Variants in HAAO observed in about 807,000 individuals in gnomAD.
HAAO encodes 3-hydroxyanthranilate 3,4-dioxygenase, also known as 3-hydroxyanthranilate oxygenase.
HAAO carries 49 observed loss-of-function variants against 46.2 expected under a neutral mutation model. The ratio of observed to expected loss-of-function variants is 1.06; its 90% CI spans 0.84 to 1.34. HAAO has a LOEUF of 1.34. Among genes scored for constraint, HAAO ranks in the 40% most tolerant of loss-of-function variants. The pLI, the probability that HAAO is intolerant of heterozygous loss-of-function variation, is 0.00. For synonymous variants in HAAO, 157 were observed against 145.2 expected, an observed-to-expected ratio of 1.08 and a Z score of -0.58; for missense variants, 408 against 364.5, an observed-to-expected ratio of 1.12 and a Z score of -0.97.
At chr2:42,768,644 G>A (rs539548310) in intron 7 of HAAO, among the ~76,000 whole-genome samples, 3 of 152,284 alleles carry the variant, frequency 2.0e-5, no homozygotes, top group African/African-American at 7.2e-5. Flanking sequence ...GTGGCAAGCC[G>A]TAAAGCACAA....
rs1392231988 is a variant in HAAO at position 42,769,806 on chromosome 2, C to T, written c.537G>A (p.Glu179=). ...CCAGCCAGGCATCCAGGGACATGGG[C>T]TCCATGATGGATCGTGTGCTCAGAG... ...PFPLSTRSIM[E]PMSLDAWLDS... is the part of the protein sequence containing the mutation. The change falls in exon 7 of 10, where the codon GAG becomes GAA. Residue 179 remains glutamate (E), a synonymous_variant. Transcript: ENST00000294973. 1.6e-5 allele frequency: 26 copies of T among 1,613,934 alleles called. No homozygotes were observed. The highest frequency in any genetic ancestry group is 2.1e-5 in the Non-Finnish European group (25 of 1,179,948).
chr2:42,786,006 CCT>C (rs1343850650), intron 2 of HAAO, among the ~76,000 whole-genome samples: 10 of 126,634 alleles, frequency 7.9e-5, no homozygotes, highest in Admixed American at 3.9e-4. Context: ...TGGGAGGAAG[CCT>C]CTGTGTGTGT....
intron 1 of HAAO, 41 bp from the exon 2 acceptor site, chr2:42,788,648 C>G (rs768837888): frequency 8.0e-7 from 1 of 1,251,056 alleles, no homozygotes; most frequent in Non-Finnish European, 1.2e-6. Flanking sequence ...AAACCATCTC[C>G]TAGGAGTGAA....
chr2:42,771,305 G>A (rs781160390), intron 4 of HAAO, among the ~76,000 whole-genome samples: 21 of 152,060 alleles, frequency 1.4e-4, no homozygotes, highest in Non-Finnish European at 2.2e-4. Context: ...GCAGGGGACT[G>A]TAATCCCAGC....
chr2:42,788,450 C>T (rs1264288504), intron 2 of HAAO, 79 bp downstream of exon 2: 6 of 889,080 alleles, frequency 6.7e-6, no homozygotes, highest in East Asian at 2.4e-5. Context: ...CTCTGGGCCT[C>T]GAGTGGGAAG....
At chr2:42,776,148 G>C (rs1267216796) in intron 4 of HAAO, among the ~76,000 whole-genome samples, 3 of 151,442 alleles carry the variant, frequency 2.0e-5, no homozygotes, top group Non-Finnish European at 4.4e-5. Context: ...TAAAAGATAG[G>C]TGGTCCCTAT....
Position 42,780,849 on chromosome 2 carries a change from C to T in HAAO, c.350+2465G>A, listed in dbSNP as rs981212298. On this transcript the variant is annotated intron_variant, in intron 4 of 9. Transcript: ENST00000294973. Reference sequence around the variant, plus strand: ...TTGGGAGGCCAAGGCGGGTGGATTACGAGGTCAGGAGAGCGAGACCATCCT... The same window carrying T: ...TTGGGAGGCCAAGGCGGGTGGATTATGAGGTCAGGAGAGCGAGACCATCCT... 1.6e-4 allele frequency among the ~76,000 whole-genome samples: 23 copies of T among 147,148 alleles called. No individual in the cohort carries two copies. In the East Asian group the frequency reaches 3.2e-3, roughly 21 times the overall value.
Position 42,779,710 on chromosome 2 carries a change from A to T in HAAO, c.350+3604T>A, listed in dbSNP as rs922451550. On this transcript the variant is annotated intron_variant, in intron 4 of 9. Transcript: ENST00000294973. The stretch of plus-strand genomic sequence containing the variant: ...TCACCTTTTTTGAAATCCTTGAGTT[A>T]TTACTTTGGTTAAATGAATGATCCT... Among the ~76,000 whole-genome samples the T allele has an allele frequency of 2.6e-5, 4 of 152,300 alleles. No homozygotes were observed. The East Asian group carries it at 7.7e-4, about 29-fold the overall frequency.
chr2:42,767,853 C>T lies in HAAO; in HGVS notation c.699+7G>A. 6.2e-7 allele frequency: 1 copy of T among 1,613,760 alleles called. No individual in the cohort carries two copies. Among genetic ancestry groups the T allele is most frequent in the South Asian group, 1.1e-5 (1 of 91,078 alleles). On this transcript the variant is annotated splice_region_variant and intron_variant, in intron 8 of 9. Coordinates refer to ENST00000294973, the MANE Select transcript of HAAO (RefSeq NM_012205.3). The stretch of plus-strand genomic sequence containing the variant: ...GTTCTGCAACCCTGTCCCTGGGCCC[C>T]ACTTGCCAGCTGCCACAGCCACACG...
rs763230709 is a variant in HAAO, at chr2:42,767,458, G to T, written c.840C>A (p.Ala280=). ...SVALSVTQDP[A]CKKPLG ...AGGGTCACCCCAGGGGCTTCTTGCA[G>T]GCAGGGTCCTGGGTCACAGACAGGG... is the stretch of plus-strand genomic sequence containing the variant. Residue 280 remains alanine (A), a synonymous_variant, in exon 10 of 10, where the codon GCC becomes GCA. Transcript: ENST00000294973. 1 of 1,613,156 alleles carries T rather than the reference G, an allele frequency of 6.2e-7. No homozygotes were observed. Among genetic ancestry groups the T allele is most frequent in the Non-Finnish European group, 8.5e-7 (1 of 1,179,604 alleles).
At chr2:42,770,427 C>T (rs1364690810) in intron 5 of HAAO, 66 bp downstream of exon 5, 9 of 1,198,782 alleles carry the variant, frequency 7.5e-6, no homozygotes, top group African/African-American at 1.5e-5. Context: ...GACTTTCTCC[C>T]AGGGCATCAG....
chr2:42,791,579 G>A (rs1447449366), intron 1 of HAAO, among the ~76,000 whole-genome samples: 3 of 152,142 alleles, frequency 2.0e-5, no homozygotes, highest in Admixed American at 6.5e-5. Context: ...CAGGCGCTCC[G>A]TGACACTAGA....
intron 4 of HAAO, among the ~76,000 whole-genome samples, chr2:42,778,247 A>G (rs990938173): frequency 6.6e-5 from 10 of 152,198 alleles, no homozygotes; most frequent in African/African-American, 2.4e-4. Context: ...ACATCTGTGT[A>G]TCTCTCTGTA....
intron 4 of HAAO, among the ~76,000 whole-genome samples, chr2:42,773,558 A>C (rs187514847): frequency 2.4e-3 from 367 of 151,288 alleles, no homozygotes; most frequent in Non-Finnish European, 3.2e-3. Context: ...CAAGCTGAGA[A>C]CTGCTTAGGG....
At chr2:42,779,662 C>G (rs770095283) in intron 4 of HAAO, among the ~76,000 whole-genome samples, 1 of 152,170 alleles carries the variant, frequency 6.6e-6, no homozygotes, top group African/African-American at 2.4e-5. Context: ...AACATTAAGT[C>G]TCTTCTCAAA....
intron 4 of HAAO, among the ~76,000 whole-genome samples, chr2:42,778,126 T>A (rs561504905): frequency 1.6e-3 from 246 of 149,872 alleles, no homozygotes; most frequent in African/African-American, 5.7e-3. Flanking sequence ...AGGATTTATT[T>A]AAAAAAAAAA....
In HAAO at chr2:42,768,262, C is replaced by T. The variant is rs527948594; in HGVS notation, c.631-334G>A. Among the ~76,000 whole-genome samples, 19 of 152,338 alleles carry T rather than the reference C, an allele frequency of 1.2e-4. No homozygotes were observed. In the South Asian group the frequency reaches 3.1e-3, roughly 25 times the overall value. ...TTTCCATCAGCTTCCCAGAGGGTGC[C>T]ACCTCCCTTTCTCTGAGAGAGGTTA... On this transcript the variant is annotated intron_variant, in intron 7 of 9. Transcript: ENST00000294973.
intron 7 of HAAO, 144 bp downstream of exon 7, chr2:42,769,569 A>ATGTGTGTGTGTG (rs35746707): frequency 1.3e-3 from 742 of 588,590 alleles, no homozygotes; most frequent in Non-Finnish European, 1.3e-3. Context: ...AACCTCTGAA[A>ATGTGTGTGTGTG]TGTGTGTGTG....
At chr2:42,772,202 C>T (rs910949354) in intron 4 of HAAO, among the ~76,000 whole-genome samples, 5 of 152,072 alleles carry the variant, frequency 3.3e-5, no homozygotes, top group African/African-American at 4.8e-5. Context: ...AATACTCGGC[C>T]GAATGTGGTG....
Sources: gnomAD v4.1 joint callset for allele counts (sites outside exome capture counted in the v4.1 genomes callset) on GRCh38, gnomAD v4.1.1 for gene constraint, MANE v1.5 for transcripts, NCBI Gene and HGNC (gene_info 2026-07-23, HGNC 2026-07-21) for gene names.